The following KIF4A variants were observed in gnomAD, a reference collection of about 807,000 sequenced individuals.
The protein encoded by KIF4A is chromosome-associated kinesin KIF4A.
A neutral mutation model predicts 105.9 loss-of-function variants in KIF4A; 7 were observed. The ratio of observed to expected loss-of-function variants is 0.07; its 90% CI spans 0.04 to 0.12. The LOEUF (loss-of-function observed/expected upper bound fraction) is 0.12, where lower values mean the gene tolerates loss of function less well. KIF4A is among the 10% of genes least tolerant of loss of function. The pLI is 1.00. For synonymous variants in KIF4A, 281 were observed against 331.3 expected, an observed-to-expected ratio of 0.85 and a Z score of 1.65; for missense variants, 558 against 929.2, an observed-to-expected ratio of 0.60 and a Z score of 5.19.
chrX:70,370,002 C>T (rs1321984773), intron 15 of KIF4A, among the ~76,000 whole-genome samples: 5 of 111,145 alleles, frequency 4.5e-5, no homozygotes, highest in Non-Finnish European at 9.4e-5. Context: ...ATACAAAATA[C>T]CATTATGTTA....
At chrX:70,402,485 T>A in intron 22 of KIF4A, 81 bp from the exon 23 acceptor site, 10 of 1,062,657 alleles carry the variant, frequency 9.4e-6, no homozygotes, top group Non-Finnish European at 1.1e-5. Flanking sequence ...ATAAAATTAT[T>A]TGAAGTTTCT....
chrX:70,314,394 G>A (rs1438714815), intron 7 of KIF4A, among the ~76,000 whole-genome samples: 2 of 112,213 alleles, frequency 1.8e-5, no homozygotes, highest in African/African-American at 3.2e-5. Context: ...GATTTGACTC[G>A]TGAGGCAAAG....
chrX:70,304,094 C>T (rs2085815520), intron 7 of KIF4A, among the ~76,000 whole-genome samples: 1 of 64,092 alleles, frequency 1.6e-5, no homozygotes, highest in Non-Finnish European at 2.8e-5. Context: ...CCCCCCTCCC[C>T]CCACCCCACA....
chrX:70,375,175 G>A, intron 16 of KIF4A, 29 bp from the exon 17 acceptor site: 3 of 1,205,450 alleles, frequency 2.5e-6, no homozygotes, highest in Non-Finnish European at 3.4e-6. Flanking sequence ...GCTGCTGGTA[G>A]TCCTCACTTC....
At chrX:70,408,297 G>A (rs1428588657) in intron 28 of KIF4A, among the ~76,000 whole-genome samples, 1 of 111,300 alleles carries the variant, frequency 9.0e-6, no homozygotes, top group Admixed American at 9.6e-5. Context: ...GCCTAACAGA[G>A]TAATTTTACT....
chrX:70,398,100 C>T lies in KIF4A; in HGVS notation c.2489+2051C>T, dbSNP rs1003492773. On this transcript the variant is annotated intron_variant, in intron 22 of 30. Transcript: ENST00000374403. ...TTGCCCAGGCTGGAGTACAATGGCG[C>T]GATCTTGGCTCACTGCAGCCTCTGC... Among the ~76,000 whole-genome samples the T allele has an allele frequency of 3.6e-5, 4 of 111,980 alleles. No homozygotes were observed. In the East Asian group the frequency reaches 1.1e-3, roughly 31 times the overall value.
chrX:70,294,362 A>G lies in KIF4A; in HGVS notation c.236-2636A>G, dbSNP rs765064048. On this transcript the variant is annotated intron_variant, in intron 3 of 30. Coordinates refer to ENST00000374403, the MANE Select transcript of KIF4A (RefSeq NM_012310.5). Reference sequence around the variant, plus strand: ...GGCTGTTTTACAGTTAACTTTATTTATCATAAGTAGAAGGAGTATACTCTT... The same window carrying G: ...GGCTGTTTTACAGTTAACTTTATTTGTCATAAGTAGAAGGAGTATACTCTT... 2.3e-4 allele frequency among the ~76,000 whole-genome samples: 26 copies of G among 112,485 alleles called. 1 individual carries two copies. In the Middle Eastern group the frequency reaches 0.014, roughly 60 times the overall value.
intron 15 of KIF4A, among the ~76,000 whole-genome samples, chrX:70,368,598 G>A (rs945823992): frequency 5.4e-5 from 6 of 111,730 alleles, no homozygotes; most frequent in Non-Finnish European, 9.4e-5. Flanking sequence ...CTGCCTGATC[G>A]TTCCTCTGGA....
chrX:70,387,992 C>T (rs1300383532), intron 20 of KIF4A, among the ~76,000 whole-genome samples: 2 of 111,190 alleles, frequency 1.8e-5, no homozygotes, highest in Non-Finnish European at 3.8e-5. Context: ...CCTCTGTAAT[C>T]CCTTCTTCTT....
intron 15 of KIF4A, among the ~76,000 whole-genome samples, chrX:70,363,676 A>G (rs1229373558): frequency 8.9e-6 from 1 of 112,119 alleles, no homozygotes; most frequent in Non-Finnish European, 1.9e-5. Context: ...AGTCTTTGCT[A>G]TTGTGAACAG....
rs551599603 is a variant in KIF4A at position 70,335,516 on chromosome X, T to A, written c.1133+1827T>A. 2.7e-5 allele frequency among the ~76,000 whole-genome samples: 3 copies of A among 112,041 alleles called. 1 individual carries two copies. The South Asian group carries it at 1.1e-3, about 41-fold the overall frequency. ...CACTAGTGAACAACACACTTAAAGG[T>A]GATTAAGATGGTAAGTTTTATGTTT... On this transcript the variant is annotated intron_variant, in intron 10 of 30. Transcript: ENST00000374403.
intron 7 of KIF4A, among the ~76,000 whole-genome samples, chrX:70,320,235 C>T (rs187800736): frequency 8.9e-6 from 1 of 111,759 alleles, no homozygotes; most frequent in Non-Finnish European, 1.9e-5. Flanking sequence ...CTGTTCCTGC[C>T]ACCTCTACAA....
At chrX:70,392,701 T>C (rs1047480530) in intron 20 of KIF4A, among the ~76,000 whole-genome samples, 1 of 109,274 alleles carries the variant, frequency 9.2e-6, no homozygotes, top group Non-Finnish European at 1.9e-5. Flanking sequence ...TTTTTCTCAA[T>C]CAGTCCAACT....
rs906085372 is a variant in KIF4A, at chrX:70,339,084, CAAAAAAAAAAAA to C, written c.1134-2709_1134-2698del. On this transcript the variant is annotated intron_variant, in intron 10 of 30. Coordinates refer to ENST00000374403, the MANE Select transcript of KIF4A (RefSeq NM_012310.5). The stretch of plus-strand genomic sequence containing the variant: ...TGGGTGACAGAGCGAGACTCCATCT[CAAAAAAAAAAAA>C]AAAAAGAAAAAGAGGAATTCACCCA... 1.1e-4 allele frequency among the ~76,000 whole-genome samples: 5 copies of C among 47,321 alleles called. No homozygotes were observed. The Admixed American group carries it at 1.4e-3, about 13-fold the overall frequency. The allele number at this position is 47,321 out of a possible 115,157, so 41.1% of individuals were successfully genotyped here.
chrX:70,387,783 G>C lies in KIF4A; in HGVS notation c.2232+486G>C, dbSNP rs971402676. Reference sequence around the variant, plus strand: ...CTTGGGAGGCTGAGGGAGGAGAATCGTTTGAACCTGGGAGGTGGACGTTGC... The same window carrying C: ...CTTGGGAGGCTGAGGGAGGAGAATCCTTTGAACCTGGGAGGTGGACGTTGC... On this transcript the variant is annotated intron_variant, in intron 20 of 30. Coordinates refer to ENST00000374403, the MANE Select transcript of KIF4A (RefSeq NM_012310.5). 3.5e-4 allele frequency among the ~76,000 whole-genome samples: 39 copies of C among 111,504 alleles called. 1 individual carries two copies. Among genetic ancestry groups the C allele is most frequent in the African/African-American group, 1.2e-3 (38 of 30,713 alleles).
intron 20 of KIF4A, among the ~76,000 whole-genome samples, chrX:70,391,396 T>C (rs1236810820): frequency 5.4e-5 from 6 of 111,928 alleles, no homozygotes; most frequent in Non-Finnish European, 1.1e-4. Context: ...CCCTATTGCA[T>C]TGGTGAGAAC....
chrX:70,401,573 G>T (rs2086282684), intron 22 of KIF4A, among the ~76,000 whole-genome samples: 1 of 108,986 alleles, frequency 9.2e-6, no homozygotes, highest in South Asian at 4.1e-4. Flanking sequence ...GCTAATTTTT[G>T]TATTTTTAGT....
At chrX:70,370,717 C>T (rs1368462821) in intron 15 of KIF4A, among the ~76,000 whole-genome samples, 5 of 109,862 alleles carry the variant, frequency 4.6e-5, no homozygotes, top group Non-Finnish European at 9.5e-5. Context: ...AGGTGGATCA[C>T]TTAAGCTCAG....
intron 18 of KIF4A, among the ~76,000 whole-genome samples, chrX:70,382,549 G>A: frequency 8.9e-6 from 1 of 112,212 alleles, no homozygotes; most frequent in African/African-American, 3.2e-5. Context: ...TTGTGACTTT[G>A]GATTAGACAA....
Sources: allele counts gnomAD v4.1 joint callset (sites outside exome capture counted in the v4.1 genomes callset), GRCh38; gene constraint gnomAD v4.1.1; transcripts MANE v1.5; gene names NCBI Gene and HGNC (gene_info 2026-07-23, HGNC 2026-07-21).